The following PLXDC2 variants were observed in gnomAD, a reference collection of about 807,000 sequenced individuals.
PLXDC2 encodes plexin domain-containing protein 2.
Under a neutral mutation model 68.9 loss-of-function variants are expected in PLXDC2, and 40 were observed. That is an observed-to-expected ratio of 0.58 (90% CI 0.45 to 0.76). The LOEUF (loss-of-function observed/expected upper bound fraction) is 0.76, where lower values mean the gene tolerates loss of function less well. Ranked by LOEUF, PLXDC2 falls within the 30% of genes least tolerant of loss-of-function variation. The probability of loss-of-function intolerance (pLI) is 0.00; values close to 1 mark genes in which losing one functional copy is unlikely to be tolerated. For missense variants in PLXDC2, 644 were observed against 661.9 expected (o/e 0.97, Z 0.30); for synonymous variants, 243 against 234.2 (o/e 1.04, Z -0.34).
At chr10:20,118,617 CTT>C (rs750305138) in intron 4 of PLXDC2, among the ~76,000 whole-genome samples, 2 of 151,994 alleles carry the variant, frequency 1.3e-5, no homozygotes, top group Admixed American at 6.6e-5. Flanking sequence ...TCCCAGGAAA[CTT>C]TTTTCAAGAA....
intron 1 of PLXDC2, among the ~76,000 whole-genome samples, chr10:19,999,505 A>T (rs1281228185): frequency 1.3e-5 from 2 of 150,736 alleles, no homozygotes; most frequent in Middle Eastern, 3.2e-3. Flanking sequence ...CATTTAATCT[A>T]TTCTCTGAAT....
At chr10:20,147,328 A>G (rs1834093260) in intron 5 of PLXDC2, among the ~76,000 whole-genome samples, 2 of 152,212 alleles carry the variant, frequency 1.3e-5, no homozygotes, top group Admixed American at 1.3e-4. Context: ...TCAATGTGGA[A>G]AAGTATAATT....
At chr10:20,162,061 AGAGAGAGAGAGAAG>A (rs1329129269) in intron 6 of PLXDC2, among the ~76,000 whole-genome samples, 7,030 of 111,832 alleles carry the variant, frequency 0.063, 211 homozygotes, top group East Asian at 0.11. Context: ...AGAGAGAGAG[AGAGAGAGAGAGAAG>A]GAAGGAAGGA....
rs942509178 is a variant in PLXDC2 at position 19,933,577 on chromosome 10, G to C, written c.113-68198G>C. Among the ~76,000 whole-genome samples, 3 of 152,090 alleles carry C rather than the reference G, an allele frequency of 2.0e-5. No homozygotes were observed. The South Asian group carries it at 6.2e-4, about 31-fold the overall frequency. On this transcript the variant is annotated intron_variant, in intron 1 of 13. Coordinates refer to ENST00000377252, the MANE Select transcript of PLXDC2 (RefSeq NM_032812.9). ...GAACCCTGGAGGTAGAGGTTGCAGT[G>C]AGCCGAGATTGAGCCACTGACCTCC...
At chr10:20,156,920 GTGTT>G (rs1834224663) in intron 6 of PLXDC2, among the ~76,000 whole-genome samples, 1 of 152,168 alleles carries the variant, frequency 6.6e-6, no homozygotes, top group African/African-American at 2.4e-5. Flanking sequence ...TGGACTTTAT[GTGTT>G]TGTTTGTTTT....
chr10:19,979,331 A>G (rs12184359), intron 1 of PLXDC2, among the ~76,000 whole-genome samples: 27,754 of 151,926 alleles, frequency 0.18, 2,744 homozygotes, highest in South Asian at 0.27. Flanking sequence ...GCCAATTTAG[A>G]TAAGCTTTAC....
intron 4 of PLXDC2, among the ~76,000 whole-genome samples, chr10:20,137,068 G>C (rs1833944187): frequency 6.6e-6 from 1 of 152,290 alleles, no homozygotes; most frequent in East Asian, 1.9e-4. Context: ...GATCAATAAT[G>C]TACCTTAACT....
At chr10:20,150,153 T>C (rs1385682763) in intron 6 of PLXDC2, among the ~76,000 whole-genome samples, 2 of 152,146 alleles carry the variant, frequency 1.3e-5, no homozygotes, top group Admixed American at 1.3e-4. Context: ...TGCTGTACTT[T>C]CTAAGGGTTT....
chr10:20,115,250 G>C (rs1833606814), intron 4 of PLXDC2, among the ~76,000 whole-genome samples: 6 of 152,110 alleles, frequency 3.9e-5, no homozygotes, highest in Admixed American at 3.9e-4. Context: ...GGATAGCAAA[G>C]GCCACTTGAG....
At chr10:19,921,314 G>A (rs1833458475) in intron 1 of PLXDC2, among the ~76,000 whole-genome samples, 1 of 152,082 alleles carries the variant, frequency 6.6e-6, no homozygotes. Context: ...ATGTTCACAG[G>A]ACATCAATAA....
At chr10:19,824,278 T>C (rs1008185066) in intron 1 of PLXDC2, among the ~76,000 whole-genome samples, 3 of 152,228 alleles carry the variant, frequency 2.0e-5, no homozygotes, top group Admixed American at 2.0e-4. Flanking sequence ...AGTGCAAGAT[T>C]TGTGGCCCAC....
chr10:20,138,280 T>C (rs1034869799), intron 4 of PLXDC2, among the ~76,000 whole-genome samples: 1 of 152,172 alleles, frequency 6.6e-6, no homozygotes, highest in African/African-American at 2.4e-5. Flanking sequence ...TGAGGACTTA[T>C]CGGATAATTG....
chr10:20,190,506 T>G (rs1014657484), intron 9 of PLXDC2, among the ~76,000 whole-genome samples: 1 of 151,748 alleles, frequency 6.6e-6, no homozygotes, highest in South Asian at 2.1e-4. Context: ...AAATGACGAG[T>G]TAATGGGTGT....
intron 4 of PLXDC2, among the ~76,000 whole-genome samples, chr10:20,101,252 T>G (rs1833418221): frequency 6.6e-6 from 1 of 152,146 alleles, no homozygotes. Flanking sequence ...TCATTTCAGT[T>G]CAGCTCAGCC....
At chr10:20,009,940 T>C (rs535764090) in intron 2 of PLXDC2, among the ~76,000 whole-genome samples, 1 of 152,020 alleles carries the variant, frequency 6.6e-6, no homozygotes, top group South Asian at 2.1e-4. Context: ...AGTGAAAAGA[T>C]GAGTTAAATT....
intron 4 of PLXDC2, among the ~76,000 whole-genome samples, chr10:20,089,158 AC>A (rs1432426025): frequency 6.8e-6 from 1 of 147,930 alleles, no homozygotes; most frequent in Non-Finnish European, 1.5e-5. Flanking sequence ...TTAAAAAAAA[AC>A]CTGTATATAC....
chr10:20,244,526 CT>C (rs1352188240), intron 12 of PLXDC2, among the ~76,000 whole-genome samples: 1 of 152,136 alleles, frequency 6.6e-6, no homozygotes, highest in East Asian at 1.9e-4. Context: ...ATCTGTTACA[CT>C]TTTAAAAAGT....
At chr10:20,118,264 GA>G (rs1234426681) in intron 4 of PLXDC2, among the ~76,000 whole-genome samples, 2 of 152,092 alleles carry the variant, frequency 1.3e-5, no homozygotes, top group African/African-American at 4.8e-5. Flanking sequence ...GGGCATATTG[GA>G]AGTACAAAGA....
chr10:19,927,476 C>T (rs568078000), intron 1 of PLXDC2, among the ~76,000 whole-genome samples: 4 of 151,884 alleles, frequency 2.6e-5, no homozygotes, highest in African/African-American at 7.2e-5. Flanking sequence ...CCAAGTCAGG[C>T]GGATCAAGAA....
Sources: allele counts gnomAD v4.1 joint callset (sites outside exome capture counted in the v4.1 genomes callset), GRCh38; gene constraint gnomAD v4.1.1; transcripts MANE v1.5; gene names NCBI Gene and HGNC (gene_info 2026-07-23, HGNC 2026-07-21).